Variants in USPL1 observed in about 807,000 individuals in gnomAD.
The protein encoded by USPL1 is SUMO-specific isopeptidase USPL1.
A neutral mutation model predicts 51.5 loss-of-function variants in USPL1; 27 were observed. The observed-to-expected ratio is 0.52, with a 90% CI of 0.39 to 0.72. USPL1 has a LOEUF of 0.72. USPL1 is among the 30% of genes least tolerant of loss of function. The pLI is 0.00. For synonymous variants in USPL1, 451 were observed against 459.6 expected, an observed-to-expected ratio of 0.98 and a Z score of 0.24; for missense variants, 1,226 against 1,268.0, an observed-to-expected ratio of 0.97 and a Z score of 0.50.
intron 5 of USPL1, among the ~76,000 whole-genome samples, chr13:30,638,198 G>A (rs1170296443): frequency 6.6e-6 from 1 of 152,202 alleles, no homozygotes; most frequent in Non-Finnish European, 1.5e-5. Context: ...AGCACCGAGG[G>A]AATTTAAAAG....
At chr13:30,649,081 C>T (rs564898021) in intron 7 of USPL1, among the ~76,000 whole-genome samples, 1 of 152,208 alleles carries the variant, frequency 6.6e-6, no homozygotes. Context: ...AGTTGCTTCC[C>T]TTAAAGATTC....
rs1380178970 is a variant in USPL1 at position 30,659,450 on chromosome 13, A to C, written c.*94A>C. The C allele has an allele frequency of 8.8e-7, 1 of 1,135,256 alleles. No individual in the cohort carries two copies. Among genetic ancestry groups the C allele is most frequent in the Non-Finnish European group, 1.2e-6 (1 of 831,480 alleles). The allele number at this position is 1,135,256 out of a possible 1,614,324, so 70.3% of individuals were successfully genotyped here. A position where few individuals can be genotyped will look rare whatever the true frequency, so the allele number is the denominator to read the frequency against. On this transcript the variant is annotated 3_prime_UTR_variant, in exon 9 of 9. Coordinates refer to ENST00000255304, the MANE Select transcript of USPL1 (RefSeq NM_005800.5). Reference sequence around the variant, plus strand: ...AGTGTTTATACACTGGACTTGTGTAATTACTTGTGTAATAACCATGAACAA... The same window carrying C: ...AGTGTTTATACACTGGACTTGTGTACTTACTTGTGTAATAACCATGAACAA...
intron 6 of USPL1, among the ~76,000 whole-genome samples, chr13:30,643,577 T>G (rs1193699559): frequency 6.7e-6 from 1 of 149,946 alleles, no homozygotes; most frequent in Non-Finnish European, 1.5e-5. Flanking sequence ...ATTCAAATTA[T>G]TACAATAGAA....
intron 6 of USPL1, among the ~76,000 whole-genome samples, chr13:30,644,154 A>G (rs1266063943): frequency 2.0e-5 from 3 of 151,690 alleles, no homozygotes; most frequent in Non-Finnish European, 2.9e-5. Context: ...ATGATGGCGG[A>G]CACCTGTAGT....
Position 30,630,984 on chromosome 13 carries a change from A to G in USPL1, c.378A>G (p.Arg126=). 6.2e-7 allele frequency: 1 copy of G among 1,614,140 alleles called. No individual in the cohort carries two copies. Among genetic ancestry groups the G allele is most frequent in the Non-Finnish European group, 8.5e-7 (1 of 1,180,050 alleles). ...TTTTAGCAAATTCCAAAAAGACTAGAAATTATATTGCTATTGACGGTGGAA... is the reference window on the plus strand; with the variant it reads ...TTTTAGCAAATTCCAAAAAGACTAGGAATTATATTGCTATTGACGGTGGAA... ...SLLLANSKKT[R]NYIAIDGGKV... is the part of the protein sequence containing the mutation. Residue 126 remains arginine, a synonymous_variant, in exon 4 of 9, where the codon AGA becomes AGG. Transcript: ENST00000255304.
Position 30,620,302 on chromosome 13 carries a change from G to T in USPL1, c.-68-771G>T, listed in dbSNP as rs188478222. The stretch of plus-strand genomic sequence containing the variant: ...TTCTGCTAAGTGGTAATTCTCCTCT[G>T]CCCTAAAGGTCTCCTGTATTTGATT... On this transcript the variant is annotated intron_variant, in intron 1 of 8. Transcript: ENST00000255304. Among the ~76,000 whole-genome samples, 796 of 152,214 alleles carry T rather than the reference G, an allele frequency of 5.2e-3. 19 individuals are homozygous for T. Among genetic ancestry groups the T allele is most frequent in the Admixed American group, 0.048 (727 of 15,286 alleles).
chr13:30,641,016 T>C (rs1202487777), intron 5 of USPL1, among the ~76,000 whole-genome samples: 1 of 152,212 alleles, frequency 6.6e-6, no homozygotes, highest in Non-Finnish European at 1.5e-5. Flanking sequence ...GTTCCACCTC[T>C]TGAGAGTGGG....
At chr13:30,637,119 CT>C (rs935626162) in intron 4 of USPL1, among the ~76,000 whole-genome samples, 1 of 151,958 alleles carries the variant, frequency 6.6e-6, no homozygotes, top group African/African-American at 2.4e-5. Context: ...CCATACCCAG[CT>C]TTTTTTCTAA....
Position 30,642,187 on chromosome 13 carries a change from G to A in USPL1, c.983-441G>A, listed in dbSNP as rs185660149. Reference sequence around the variant, plus strand: ...CTAGAGGCTGGCAGCAATTCTCAGAGGTAACGCAAGCAGTCTTCCTGCCTT... The same window carrying A: ...CTAGAGGCTGGCAGCAATTCTCAGAAGTAACGCAAGCAGTCTTCCTGCCTT... On this transcript the variant is annotated intron_variant, in intron 5 of 8. Transcript: ENST00000255304. 5.6e-3 allele frequency among the ~76,000 whole-genome samples: 854 copies of A among 152,238 alleles called. 2 individuals carry two copies. The highest frequency in any genetic ancestry group is 9.0e-3 in the Non-Finnish European group (615 of 68,026).
Position 30,660,319 on chromosome 13 carries a change from G to A in USPL1, c.*963G>A, listed in dbSNP as rs1416326082. 1 of 152,262 alleles carries A rather than the reference G, an allele frequency of 6.6e-6. No homozygotes were observed. Among genetic ancestry groups the A allele is most frequent in the African/African-American group, 2.4e-5 (1 of 41,460 alleles). The allele number at this position is 152,262 out of a possible 1,614,324, so 9.4% of individuals were successfully genotyped here. The stretch of plus-strand genomic sequence containing the variant: ...GCTTCCAGGCTTACCCCCCTGCTTT[G>A]ATCTGAGAGCTGGTGCCAATAGCAG... On this transcript the variant is annotated 3_prime_UTR_variant, in exon 9 of 9. Transcript: ENST00000255304.
chr13:30,625,496 AGT>A (rs1950703108), intron 3 of USPL1, among the ~76,000 whole-genome samples: 3 of 129,202 alleles, frequency 2.3e-5, no homozygotes, highest in African/African-American at 9.2e-5. Context: ...ACGAGGCTGG[AGT>A]GCAGTGGTGC....
chr13:30,652,125 A>G (rs1312859836), intron 7 of USPL1, among the ~76,000 whole-genome samples: 1 of 152,244 alleles, frequency 6.6e-6, no homozygotes, highest in African/African-American at 2.4e-5. Context: ...TTTAATTGGC[A>G]GCATGTTTTC....
intron 1 of USPL1, among the ~76,000 whole-genome samples, chr13:30,618,281 A>G (rs1175492268): frequency 6.6e-6 from 1 of 152,158 alleles, no homozygotes; most frequent in African/African-American, 2.4e-5. Context: ...TCGTTTTCCA[A>G]GGAGCGTGGA....
chr13:30,655,850 A>C (rs1009147207), intron 8 of USPL1, among the ~76,000 whole-genome samples: 2 of 152,252 alleles, frequency 1.3e-5, no homozygotes, highest in African/African-American at 4.8e-5. Context: ...GGTGTTTGAC[A>C]TCGTGATTTA....
intron 4 of USPL1, among the ~76,000 whole-genome samples, chr13:30,634,741 G>A (rs1593371885): frequency 1.3e-5 from 2 of 152,092 alleles, no homozygotes; most frequent in African/African-American, 4.8e-5. Flanking sequence ...ATAGACTTTC[G>A]TGTCCAAATT....
chr13:30,621,159 A>G lies in USPL1; in HGVS notation c.19A>G (p.Ile7Val), dbSNP rs1298840922. ...ACTCGGAATGATGGATTCTCCGAAG[A>G]TTGGAAATGGTTTGCCAGTGATTGG... The part of the protein sequence containing the change: MMDSPK[I>V]GNGLPVIGPG... The change falls in exon 2 of 9, where the codon ATT becomes GTT. Residue 7 changes from isoleucine (I) to valine (V), a missense_variant. By Grantham distance (29) the Ile-to-Val change is conservative (BLOSUM62 3). Transcript: ENST00000255304. 6.2e-7 allele frequency: 1 copy of G among 1,606,664 alleles called. No homozygotes were observed. The highest frequency in any genetic ancestry group is 1.3e-5 in the African/African-American group (1 of 74,506).
At chr13:30,641,124 T>C (rs1435741045) in intron 5 of USPL1, among the ~76,000 whole-genome samples, 1 of 152,244 alleles carries the variant, frequency 6.6e-6, no homozygotes, top group Non-Finnish European at 1.5e-5. Context: ...TTAACCTCAA[T>C]TGTGCATTAA....
At position 30,631,349 on chromosome 13, in the gene USPL1, CG is replaced by C. The variant is rs1950803068; in HGVS notation, c.745del (p.Glu249LysfsTer3). On this transcript the variant is annotated frameshift_variant, in exon 4 of 9. Transcript: ENST00000255304. LOFTEE classifies it high-confidence loss of function. ...TGTATCCTGTCAGCTTTGGTGCACT[CG>C]GAAGAGTTAAAGAACACCGTGACTG... The part of the protein sequence containing the change: ...LDCILSALVH[S>X]EELKNTVTGL... 2 of 1,614,120 alleles carry C rather than the reference CG, an allele frequency of 1.2e-6. No homozygotes were observed. Among genetic ancestry groups the C allele is most frequent in the Non-Finnish European group, 1.7e-6 (2 of 1,180,034 alleles).
chr13:30,656,726 T>C (rs1951169551), intron 8 of USPL1, among the ~76,000 whole-genome samples: 2 of 152,180 alleles, frequency 1.3e-5, no homozygotes, highest in African/African-American at 4.8e-5. Flanking sequence ...TGTGTTTAAT[T>C]TTTGGACGAA....
Sources: allele counts gnomAD v4.1 joint callset (sites outside exome capture counted in the v4.1 genomes callset), GRCh38; gene constraint gnomAD v4.1.1; transcripts MANE v1.5; gene names NCBI Gene and HGNC (gene_info 2026-07-23, HGNC 2026-07-21).